LRRC25: variants seen among roughly 807,000 people sequenced by gnomAD.
LRRC25 encodes leucine-rich repeat-containing protein 25.
Under a neutral mutation model 18.8 loss-of-function variants are expected in LRRC25, and 5 were observed. The ratio of observed to expected loss-of-function variants is 0.27; its 90% CI spans 0.14 to 0.56. The LOEUF (loss-of-function observed/expected upper bound fraction) is 0.56, where lower values mean the gene tolerates loss of function less well. Ranked by LOEUF, LRRC25 falls within the 20% of genes least tolerant of loss-of-function variation. LRRC25 has a pLI of 0.93. For synonymous variants in LRRC25, 161 were observed against 176.8 expected (o/e 0.91, Z 0.71); for missense variants, 341 against 389.8 (o/e 0.87, Z 1.05).
Position 18,391,816 on chromosome 19 carries a change from G to A in LRRC25, c.*171C>T, listed in dbSNP as rs549272456. 182 of 686,560 alleles carry A rather than the reference G, an allele frequency of 2.7e-4. 1 individual carries two copies. The South Asian group carries it at 3.2e-3, about 12-fold the overall frequency. The allele number at this position is 686,560 out of a possible 1,614,324, so 42.5% of individuals were successfully genotyped here. The stretch of plus-strand genomic sequence containing the variant: ...CTCTAGGAGCTGAGGGAGCTGAGGA[G>A]CGGCATGAGGGACAGGGAGGGGGCG... On this transcript the variant is annotated 3_prime_UTR_variant, in exon 2 of 2. Coordinates refer to ENST00000339007, the MANE Select transcript of LRRC25 (RefSeq NM_145256.3).
At chr19:18,394,601 G>A (rs976625909) in intron 1 of LRRC25, among the ~76,000 whole-genome samples, 4 of 151,926 alleles carry the variant, frequency 2.6e-5, no homozygotes, top group Admixed American at 6.6e-5. Context: ...CACCGTGCCC[G>A]GCCTAATTTT....
At chr19:18,393,729 G>A (rs924668432) in intron 1 of LRRC25, among the ~76,000 whole-genome samples, 4 of 152,158 alleles carry the variant, frequency 2.6e-5, no homozygotes, top group Non-Finnish European at 5.9e-5. Flanking sequence ...GGTCTGGGAC[G>A]CAGGGTTTGT....
At chr19:18,396,137 G>C (rs920573257) in intron 1 of LRRC25, 48 bp downstream of exon 1, 4 of 1,543,916 alleles carry the variant, frequency 2.6e-6, no homozygotes, top group Non-Finnish European at 3.5e-6. Flanking sequence ...TCTGGGTGTG[G>C]AGCCTTATTA....
chr19:18,396,748 G>A lies in LRRC25; in HGVS notation c.216C>T (p.Gly72=). The change falls in exon 1 of 2, where the codon GGC becomes GGT. Residue 72 remains glycine, a synonymous_variant. Transcript: ENST00000339007. ...AGAAGGTCACTGGAAGCTCTCGCAG[G>A]CCGTTCCCAGACAGGTCAAGGAGAA... ...NVILLDLSGN[G]LRELPVTFFA... The A allele has an allele frequency of 6.2e-7, 1 of 1,614,162 alleles. No individual in the cohort carries two copies. Among genetic ancestry groups the A allele is most frequent in the Middle Eastern group, 1.6e-4 (1 of 6,062 alleles).
At position 18,397,070 on chromosome 19, in the gene LRRC25, G is replaced by A. The variant is rs920672816; in HGVS notation, c.-107C>T. ...ATTATTATAGCTCAGACCAGCTCAA[G>A]CCGCTTCTGAAATGGTAAAACGCAG... is the stretch of plus-strand genomic sequence containing the variant. On this transcript the variant is annotated 5_prime_UTR_variant, in exon 1 of 2. Coordinates refer to ENST00000339007, the MANE Select transcript of LRRC25 (RefSeq NM_145256.3). 2.4e-6 allele frequency: 3 copies of A among 1,226,812 alleles called. No individual in the cohort carries two copies. In the African/African-American group the frequency reaches 4.6e-5, roughly 19 times the overall value. 76.0% of individuals were successfully genotyped at this position (1,226,812 alleles called of 1,614,324 possible). A position where few individuals can be genotyped will look rare whatever the true frequency, so the allele number is the denominator to read the frequency against.
chr19:18,396,473 G>A lies in LRRC25; in HGVS notation c.491C>T (p.Ala164Val), dbSNP rs1436520924. ...EVSCAPGLAS[A>V]TIGAVVVSGC... is the part of the protein sequence containing the mutation. ...GCTGACCACCACTGCCCCGATAGTT[G>A]CAGAGGCCAGGCCAGGGGCGCAGCT... The change falls in exon 1 of 2, where the codon GCA becomes GTA. Residue 164 changes from alanine (A) to valine (V), a missense_variant. Physicochemically the swap from Ala to Val is moderately conservative, Grantham distance 64. Transcript: ENST00000339007. 1 of 1,613,514 alleles carries A rather than the reference G, an allele frequency of 6.2e-7. No individual in the cohort carries two copies. The highest frequency in any genetic ancestry group is 8.5e-7 in the Non-Finnish European group (1 of 1,180,036).
chr19:18,396,305 C>G lies in LRRC25; in HGVS notation c.659G>C (p.Arg220Pro), dbSNP rs144972446. Residue 220 changes from arginine to proline, a missense_variant, in exon 1 of 2, where the codon CGG becomes CCG. Physicochemically the swap from Arg to Pro is moderately radical, Grantham distance 103. Transcript: ENST00000339007. ...CTTGGGGGCGCTCCGGCTGCCGTAC[C>G]GTGGCTGCAAGCCTAAACCGGGCTT... ...GPKPGLGLQP[R>P]YGSRSAPKPQ... 9 of 1,613,670 alleles carry G rather than the reference C, an allele frequency of 5.6e-6. No individual in the cohort carries two copies. The highest frequency in any genetic ancestry group is 7.6e-6 in the Non-Finnish European group (9 of 1,179,950).
chr19:18,394,123 G>T (rs1568332919), intron 1 of LRRC25, among the ~76,000 whole-genome samples: 1 of 151,812 alleles, frequency 6.6e-6, no homozygotes, highest in African/African-American at 2.4e-5. Context: ...CTTCCTGCTT[G>T]GCCCTCCCTG....
intron 1 of LRRC25, among the ~76,000 whole-genome samples, chr19:18,395,578 C>T (rs773606636): frequency 2.6e-5 from 4 of 152,078 alleles, no homozygotes; most frequent in Non-Finnish European, 5.9e-5. Flanking sequence ...AAGCAGTTGC[C>T]TCCTGTCTCC....
intron 1 of LRRC25, 65 bp from the exon 2 acceptor site, chr19:18,392,190 G>A: frequency 7.0e-6 from 11 of 1,563,760 alleles, no homozygotes. Flanking sequence ...AGGCACATGA[G>A]CTTTGAGAAA....
chr19:18,397,228 T>C lies in LRRC25; in HGVS notation c.-265A>G. ...CCGGGCCAGTTAACCCCTTCTTCTA[T>C]GTCCTGAACATTTGGGGCGCCCTCG... On this transcript the variant is annotated 5_prime_UTR_variant, in exon 1 of 2. Transcript: ENST00000339007. 1 of 508,830 alleles carries C rather than the reference T, an allele frequency of 2.0e-6. No individual in the cohort carries two copies. Among genetic ancestry groups the C allele is most frequent in the Non-Finnish European group, 3.5e-6 (1 of 283,646 alleles). 31.5% of individuals were successfully genotyped at this position (508,830 alleles called of 1,614,324 possible).
Position 18,396,622 on chromosome 19 carries a change from G to A in LRRC25, c.342C>T (p.Ala114=), listed in dbSNP as rs2144624987. ...AGGACTCCAGGGCACAGTTGCAGTC[G>A]GCCTGCAGGTCAAGGTCACAGCGGG... ...LAARCDLDLQ[A]DCNCALESWH... The change falls in exon 1 of 2, where the codon GCC becomes GCT. Residue 114 remains alanine (A), a synonymous_variant. Transcript: ENST00000339007. The A allele has an allele frequency of 1.2e-6, 2 of 1,614,046 alleles. No individual in the cohort carries two copies. The highest frequency in any genetic ancestry group is 8.5e-7 in the Non-Finnish European group (1 of 1,180,036).
rs6512262 is a variant in LRRC25, at chr19:18,391,755, G to C, written c.*232C>G. On this transcript the variant is annotated 3_prime_UTR_variant, in exon 2 of 2. Transcript: ENST00000339007. ...TGATGACAGGATTGGCACAGTGACC[G>C]TCCTGTCCCCTTGTTGGGGGTCTCT... 0.68 allele frequency: 326,988 copies of C among 481,078 alleles called. 112,553 individuals carry two copies. Among genetic ancestry groups the C allele is most frequent in the African/African-American group, 0.82 (42,130 of 51,270 alleles). 29.8% of individuals were successfully genotyped at this position (481,078 alleles called of 1,614,324 possible). A position where few individuals can be genotyped will look rare whatever the true frequency, so the allele number is the denominator to read the frequency against.
Position 18,391,977 on chromosome 19 carries a change from C to G in LRRC25, c.*10G>C, listed in dbSNP as rs1358623089. ...AAGGGGTTCTGGGTGGAGGTTAGGA[C>G]ATCTTAGGCTCAGTGCCCGGGGATC... On this transcript the variant is annotated 3_prime_UTR_variant, in exon 2 of 2. Coordinates refer to ENST00000339007, the MANE Select transcript of LRRC25 (RefSeq NM_145256.3). The G allele has an allele frequency of 3.1e-6, 5 of 1,612,384 alleles. No homozygotes were observed. In the East Asian group the frequency reaches 6.7e-5, roughly 22 times the overall value.
At position 18,396,175 on chromosome 19, in the gene LRRC25, G is replaced by A; in HGVS notation, c.779+10C>T. Reference sequence around the variant, plus strand: ...CACCACTTTGGCAGGTGTCTCAGTGGCTTACTTACCCTTGTTCATCCCACT... The same window carrying A: ...CACCACTTTGGCAGGTGTCTCAGTGACTTACTTACCCTTGTTCATCCCACT... On this transcript the variant is annotated intron_variant, in intron 1 of 1. Transcript: ENST00000339007. The A allele has an allele frequency of 6.3e-7, 1 of 1,577,016 alleles. No homozygotes were observed. The highest frequency in any genetic ancestry group is 8.7e-7 in the Non-Finnish European group (1 of 1,155,960).
In LRRC25 at chr19:18,397,071, C is replaced by A; in HGVS notation, c.-108G>T. 1 of 1,220,296 alleles carries A rather than the reference C, an allele frequency of 8.2e-7. No homozygotes were observed. Among genetic ancestry groups the A allele is most frequent in the South Asian group, 1.5e-5 (1 of 66,054 alleles). The allele number at this position is 1,220,296 out of a possible 1,614,324, so 75.6% of individuals were successfully genotyped here. On this transcript the variant is annotated 5_prime_UTR_variant, in exon 1 of 2. Transcript: ENST00000339007. ...TTATTATAGCTCAGACCAGCTCAAG[C>A]CGCTTCTGAAATGGTAAAACGCAGC...
Position 18,396,342 on chromosome 19 carries a change from G to A in LRRC25, c.622C>T (p.Gln208Ter). The A allele has an allele frequency of 2.5e-6, 4 of 1,613,854 alleles. No individual in the cohort carries two copies. Among genetic ancestry groups the A allele is most frequent in the Non-Finnish European group, 2.5e-6 (3 of 1,180,008 alleles). Residue 208 changes from glutamine (Q) to a stop codon, truncating the protein, a stop_gained, in exon 1 of 2, where the codon CAG becomes TAG. Coordinates refer to ENST00000339007, the MANE Select transcript of LRRC25 (RefSeq NM_145256.3). LOFTEE classifies it high-confidence loss of function. ...CCTAAACCGGGCTTGGGCCCATCCT[G>A]AGCAGCCCAGGGTTTGTTCAGCTCC... ...SRELNKPWAAQDGPKPGLGLQ... is the reference protein window; with the variant it reads ...SRELNKPWAA
rs1339897711 is a variant in LRRC25, at chr19:18,397,538, AC to A, written c.-576del. The A allele has an allele frequency of 6.4e-6, 1 of 155,066 alleles. No individual in the cohort carries two copies. Among genetic ancestry groups the A allele is most frequent in the Non-Finnish European group, 1.4e-5 (1 of 69,520 alleles). 9.6% of individuals were successfully genotyped at this position (155,066 alleles called of 1,614,324 possible). On this transcript the variant is annotated 5_prime_UTR_variant, in exon 1 of 2. Transcript: ENST00000339007. ...AGGCTGCGTCCTGGCCCACCTGGAC[AC>A]GGGGGCCGCAGCGGCCACGGCCAGC...
At chr19:18,392,308 A>G (rs1286208630) in intron 1 of LRRC25, among the ~76,000 whole-genome samples, 183 bp from the exon 2 acceptor site, 1 of 152,004 alleles carries the variant, frequency 6.6e-6, no homozygotes, top group Non-Finnish European at 1.5e-5. Context: ...CCTGGACAAC[A>G]TGATGAAACC....
Sources: gnomAD v4.1 joint callset for allele counts (sites outside exome capture counted in the v4.1 genomes callset) on GRCh38, gnomAD v4.1.1 for gene constraint, MANE v1.5 for transcripts, NCBI Gene and HGNC (gene_info 2026-07-23, HGNC 2026-07-21) for gene names.